SCAF4: variants seen among roughly 807,000 people sequenced by gnomAD.
SCAF4 encodes the protein SR-related and CTD-associated factor 4.
In SCAF4, 25 loss-of-function variants were observed where a neutral mutation model predicts 129.8. The observed-to-expected ratio is 0.19, with a 90% CI of 0.14 to 0.27. The LOEUF is 0.27. Among genes scored for constraint, SCAF4 ranks in the 10% least tolerant of loss-of-function variants. The pLI, the probability that SCAF4 is intolerant of heterozygous loss-of-function variation, is 1.00. For missense variants in SCAF4, 1,246 were observed against 1,457.1 expected, an observed-to-expected ratio of 0.86 and a Z score of 2.36; for synonymous variants, 551 against 497.7, an observed-to-expected ratio of 1.11 and a Z score of -1.43.
At chr21:31,702,429 C>T (rs758950355) in intron 4 of SCAF4, 50 bp from the exon 5 acceptor site, 1 of 1,514,652 alleles carries the variant, frequency 6.6e-7, no homozygotes, top group South Asian at 1.2e-5. Flanking sequence ...GCATAAATAA[C>T]CGATTATACT....
At chr21:31,699,903 G>A (rs2050480995) in intron 7 of SCAF4, among the ~76,000 whole-genome samples, 2 of 152,234 alleles carry the variant, frequency 1.3e-5, no homozygotes, top group South Asian at 2.1e-4. Flanking sequence ...TCTTAAACAT[G>A]CCTAAGAAAC....
intron 19 of SCAF4, among the ~76,000 whole-genome samples, chr21:31,674,075 G>A (rs2049786463): frequency 6.6e-6 from 1 of 152,194 alleles, no homozygotes; most frequent in Non-Finnish European, 1.5e-5. Flanking sequence ...GAAGGGCAAT[G>A]GGAAGGTCCT....
At chr21:31,680,069 T>C (rs2049961051) in intron 19 of SCAF4, among the ~76,000 whole-genome samples, 2 of 152,224 alleles carry the variant, frequency 1.3e-5, no homozygotes, top group Non-Finnish European at 1.5e-5. Context: ...TAACTTTGTC[T>C]ACCAAAATCA....
intron 19 of SCAF4, among the ~76,000 whole-genome samples, chr21:31,673,257 T>C (rs1196567079): frequency 6.6e-6 from 1 of 152,174 alleles, no homozygotes; most frequent in African/African-American, 2.4e-5. Context: ...AGCATTGGAA[T>C]CTCTCAATTT....
At chr21:31,721,725 C>CTTTTTT (rs1030749806) in intron 1 of SCAF4, among the ~76,000 whole-genome samples, 10 of 125,450 alleles carry the variant, frequency 8.0e-5, no homozygotes, top group East Asian at 2.4e-4. Context: ...AAGAGCAATT[C>CTTTTTT]TTTTTTTTTT....
At chr21:31,717,872 TATACAC>T (rs369425519) in intron 1 of SCAF4, among the ~76,000 whole-genome samples, 3,581 of 56,650 alleles carry the variant, frequency 0.063, 135 homozygotes, top group East Asian at 0.14. Flanking sequence ...CACACACACA[TATACAC>T]ATATATACAC....
At chr21:31,704,535 A>C (rs2050609289) in intron 3 of SCAF4, among the ~76,000 whole-genome samples, 1 of 151,406 alleles carries the variant, frequency 6.6e-6, no homozygotes. Context: ...ATTTATGCAA[A>C]AAAAAAAAAA....
intron 1 of SCAF4, chr21:31,706,881 G>GTCT (rs2050677537): frequency 2.3e-5 from 7 of 305,636 alleles, no homozygotes; most frequent in South Asian, 2.3e-4. Flanking sequence ...TACATACCAT[G>GTCT]TCTTATCAGT....
At chr21:31,705,316 C>T (rs2050630570) in intron 3 of SCAF4, 107 bp downstream of exon 3, 8 of 553,030 alleles carry the variant, frequency 1.4e-5, no homozygotes, top group Non-Finnish European at 2.2e-5. Context: ...CCTCTAGTGA[C>T]TAAATTTTTA....
At chr21:31,695,672 G>C (rs1359509136) in intron 9 of SCAF4, among the ~76,000 whole-genome samples, 1 of 152,098 alleles carries the variant, frequency 6.6e-6, no homozygotes, top group Non-Finnish European at 1.5e-5. Context: ...GAATTTACTG[G>C]AACAAATTTA....
Position 31,702,225 on chromosome 21 carries a change from C to A in SCAF4, c.457+19G>T. The A allele has an allele frequency of 6.2e-7, 1 of 1,613,836 alleles. No individual in the cohort carries two copies. Among genetic ancestry groups the A allele is most frequent in the South Asian group, 1.1e-5 (1 of 90,992 alleles). On this transcript the variant is annotated intron_variant, in intron 5 of 19. Transcript: ENST00000286835. ...AAAATCATACCATTGTGTGAGCTCA[C>A]AGATACATCTGACCATACCTTCATT...
chr21:31,711,801 G>A (rs1208968228), intron 1 of SCAF4, among the ~76,000 whole-genome samples: 1 of 152,068 alleles, frequency 6.6e-6, no homozygotes, highest in South Asian at 2.1e-4. Context: ...ATGAGGAGTT[G>A]AACCCAAGAA....
rs1568839306 is a variant in SCAF4, at chr21:31,694,276, TCTA to T, written c.1247_1249del (p.Val416del). 6.9e-6 allele frequency: 11 copies of T among 1,601,218 alleles called. No homozygotes were observed. The highest frequency in any genetic ancestry group is 9.4e-6 in the Non-Finnish European group (11 of 1,171,206). On this transcript the variant is annotated inframe_deletion, in exon 11 of 20. Coordinates refer to ENST00000286835, the MANE Select transcript of SCAF4 (RefSeq NM_020706.2). ...CTTAACCTCTTGAATACAAGGTTGTTCTACTTCCATTTCCTTAAAAAACAAAAA... is the reference window on the plus strand; with the variant it reads ...CTTAACCTCTTGAATACAAGGTTGTTCTTCCATTTCCTTAAAAAACAAAAA...
chr21:31,727,089 T>C (rs1354646784), intron 1 of SCAF4, among the ~76,000 whole-genome samples: 1 of 151,910 alleles, frequency 6.6e-6, no homozygotes, highest in African/African-American at 2.4e-5. Context: ...CTTTTTTTTC[T>C]TTTTTTTAAG....
Position 31,693,375 on chromosome 21 carries a change from A to G in SCAF4, c.1432T>C (p.Ser478Pro), listed in dbSNP as rs2050305362. ...TTTTCTCGATCCCGTCTTTCTTGAG[A>G]TCGAGATCGGGGAGAATGTCGGCGT... ...DRRRHSPRSRSQERRDREKER... is the reference protein window; with the variant it reads ...DRRRHSPRSRPQERRDREKER... Residue 478 changes from serine (S) to proline (P), a missense_variant, in exon 12 of 20, where the codon TCT becomes CCT. Coordinates refer to ENST00000286835, the MANE Select transcript of SCAF4 (RefSeq NM_020706.2). The G allele has an allele frequency of 6.3e-7, 1 of 1,579,472 alleles. No individual in the cohort carries two copies. The highest frequency in any genetic ancestry group is 1.4e-5 in the African/African-American group (1 of 73,862).
At position 31,705,474 on chromosome 21, in the gene SCAF4, AGAATT is replaced by A. The variant is rs772877029; in HGVS notation, c.115-12_115-8del. On this transcript the variant is annotated splice_polypyrimidine_tract_variant and splice_region_variant and intron_variant, in intron 2 of 19. Coordinates refer to ENST00000286835, the MANE Select transcript of SCAF4 (RefSeq NM_020706.2). ...GAACTACATGCTTATAAAGCTGAAA[AGAATT>A]AAGAGAAAATTACTGTTCAGTTTAC... 4.8e-6 allele frequency: 6 copies of A among 1,254,904 alleles called. No homozygotes were observed. The highest frequency in any genetic ancestry group is 6.7e-6 in the Non-Finnish European group (6 of 898,228). The allele number at this position is 1,254,904 out of a possible 1,614,324, so 77.7% of individuals were successfully genotyped here.
intron 1 of SCAF4, among the ~76,000 whole-genome samples, chr21:31,719,648 G>C (rs886840988): frequency 3.9e-5 from 6 of 152,102 alleles, no homozygotes. Context: ...GGGATTACAG[G>C]CATGTGCCAC....
chr21:31,701,252 T>G, intron 6 of SCAF4, 81 bp from the exon 7 acceptor site: 2 of 1,285,962 alleles, frequency 1.6e-6, no homozygotes, highest in Non-Finnish European at 2.1e-6. Context: ...AAAAATGTCT[T>G]AAAGGTGATT....
intron 1 of SCAF4, among the ~76,000 whole-genome samples, chr21:31,708,168 A>G (rs1157878733): frequency 6.6e-6 from 1 of 152,084 alleles, no homozygotes; most frequent in African/African-American, 2.4e-5. Context: ...TGGGCGGTTC[A>G]CCTGAGGTCA....
Sources: allele counts gnomAD v4.1 joint callset (sites outside exome capture counted in the v4.1 genomes callset), GRCh38; gene constraint gnomAD v4.1.1; transcripts MANE v1.5; gene names NCBI Gene and HGNC (gene_info 2026-07-23, HGNC 2026-07-21).